DDC: variants seen among roughly 807,000 people sequenced by gnomAD.
DDC encodes dopa decarboxylase, also known as aromatic-L-amino-acid decarboxylase.
In DDC, 43 loss-of-function variants were observed where a neutral mutation model predicts 60.0. That is an observed-to-expected ratio of 0.72 (90% confidence interval 0.56 to 0.92). The LOEUF (loss-of-function observed/expected upper bound fraction) is 0.92, where lower values mean the gene tolerates loss of function less well. DDC is among the 40% of genes least tolerant of loss of function. The pLI is 0.00. For missense variants in DDC, 573 were observed against 620.2 expected (o/e 0.92, Z 0.81); for synonymous variants, 232 against 234.6 (o/e 0.99, Z 0.10).
At chr7:50,479,276 G>A (rs1347839912) in intron 10 of DDC, among the ~76,000 whole-genome samples, 1 of 152,190 alleles carries the variant, frequency 6.6e-6, no homozygotes, top group Non-Finnish European at 1.5e-5. Context: ...GCCAGGCACA[G>A]AGAGCAGGCC....
At chr7:50,493,054 A>G in intron 9 of DDC, 3 of 1,496,818 alleles carry the variant, frequency 2.0e-6, no homozygotes, top group Non-Finnish European at 2.7e-6. Flanking sequence ...TCGTGTGTCA[A>G]TATTTGCCTC....
rs112788643 is a variant in DDC, at chr7:50,530,681, GC to G, written c.436-1340del. On this transcript the variant is annotated intron_variant, in intron 4 of 14. Transcript: ENST00000444124. ...GCCTGCGCTTTTTAGGGTGCCATGG[GC>G]CTAGAAAGGTAGGGGCAGCGAGCAC... Among the ~76,000 whole-genome samples, 1,492 of 152,274 alleles carry G rather than the reference GC, an allele frequency of 9.8e-3. 23 individuals are homozygous for G. The highest frequency in any genetic ancestry group is 0.034 in the African/African-American group (1,423 of 41,548).
chr7:50,497,582 A>G (rs540912573), intron 8 of DDC, among the ~76,000 whole-genome samples: 1 of 152,282 alleles, frequency 6.6e-6, no homozygotes, highest in African/African-American at 2.4e-5. Flanking sequence ...ATGCATTTAT[A>G]TGATACAGAG....
At chr7:50,467,440 A>C in intron 12 of DDC, 125 bp from the exon 13 acceptor site, 4 of 798,958 alleles carry the variant, frequency 5.0e-6, no homozygotes, top group Non-Finnish European at 8.4e-6. Context: ...ATTTTCCTCA[A>C]GTGCTTTTAC....
At chr7:50,496,515 T>C (rs980970971) in intron 8 of DDC, among the ~76,000 whole-genome samples, 3 of 152,110 alleles carry the variant, frequency 2.0e-5, no homozygotes, top group African/African-American at 7.2e-5. Context: ...GGCTACCTTA[T>C]TTTCAAGGAG....
intron 6 of DDC, among the ~76,000 whole-genome samples, chr7:50,516,735 G>A (rs1413903614): frequency 6.6e-6 from 1 of 151,964 alleles, no homozygotes; most frequent in Admixed American, 6.5e-5. Flanking sequence ...ACTAAGAAAC[G>A]AAACAGGAGA....
chr7:50,495,556 G>C, intron 8 of DDC, 139 bp from the exon 9 acceptor site: 2 of 718,376 alleles, frequency 2.8e-6, no homozygotes, highest in East Asian at 2.7e-5. Context: ...TTGCCCAGGG[G>C]AGTAGTAACT....
At chr7:50,538,032 G>T (rs1238353641) in intron 3 of DDC, 53 bp from the exon 4 acceptor site, 47 of 1,612,310 alleles carry the variant, frequency 2.9e-5, no homozygotes, top group Non-Finnish European at 4.0e-5. Flanking sequence ...TGCAGAATTT[G>T]GGGGTCAGCA....
intron 6 of DDC, among the ~76,000 whole-genome samples, chr7:50,505,434 G>T (rs557169330): frequency 6.6e-6 from 1 of 152,260 alleles, no homozygotes; most frequent in South Asian, 2.1e-4. Flanking sequence ...GACCTTTATT[G>T]AGCCCCCTGT....
At chr7:50,462,158 G>A (rs2042287250) in intron 14 of DDC, among the ~76,000 whole-genome samples, 1 of 141,530 alleles carries the variant, frequency 7.1e-6, no homozygotes, top group Non-Finnish European at 1.5e-5. Context: ...AAAGGATAGG[G>A]AGAGAGAGAA....
chr7:50,476,260 G>C (rs2042641349), intron 11 of DDC, among the ~76,000 whole-genome samples: 1 of 152,152 alleles, frequency 6.6e-6, no homozygotes, highest in Middle Eastern at 3.2e-3. Context: ...AGCTTTTTCT[G>C]TTCCCTGACT....
chr7:50,465,185 G>A (rs986894223), intron 13 of DDC, among the ~76,000 whole-genome samples: 9 of 152,164 alleles, frequency 5.9e-5, no homozygotes, highest in Admixed American at 5.9e-4. Flanking sequence ...GCAATATGTT[G>A]TATGTTTTCA....
At chr7:50,562,629 A>G (rs1373616503) in intron 1 of DDC, among the ~76,000 whole-genome samples, 2 of 152,294 alleles carry the variant, frequency 1.3e-5, no homozygotes, top group African/African-American at 4.8e-5. Flanking sequence ...AGCCCTGGTC[A>G]GGGAGGACTG....
intron 6 of DDC, among the ~76,000 whole-genome samples, chr7:50,515,427 A>C (rs549717846): frequency 6.6e-6 from 1 of 152,240 alleles, no homozygotes; most frequent in Non-Finnish European, 1.5e-5. Flanking sequence ...CTTAAAACAA[A>C]TCCTGGAAAC....
chr7:50,523,474 A>C (rs569787512), intron 6 of DDC, among the ~76,000 whole-genome samples: 2 of 152,214 alleles, frequency 1.3e-5, no homozygotes, highest in Non-Finnish European at 2.9e-5. Flanking sequence ...AAAACTCAAT[A>C]ATAATGAAAC....
intron 6 of DDC, among the ~76,000 whole-genome samples, chr7:50,514,326 C>T (rs140222918): frequency 0.013 from 1,911 of 152,220 alleles, 37 homozygotes; most frequent in African/African-American, 0.044. Flanking sequence ...AGAATCTGAA[C>T]AACAGTCTTC....
chr7:50,520,900 A>AAAATAAATAAAT (rs58873202), intron 6 of DDC, among the ~76,000 whole-genome samples: 24 of 147,914 alleles, frequency 1.6e-4, no homozygotes, highest in East Asian at 1.2e-3. Flanking sequence ...TCTGTCTCAG[A>AAAATAAATAAAT]AAATAAATAA....
intron 4 of DDC, among the ~76,000 whole-genome samples, chr7:50,530,621 G>A (rs903336108): frequency 6.6e-6 from 1 of 152,170 alleles, no homozygotes; most frequent in African/African-American, 2.4e-5. Flanking sequence ...CCCCAAATCA[G>A]CAGCTAGGTA....
intron 9 of DDC, among the ~76,000 whole-genome samples, chr7:50,481,367 G>A (rs74769350): frequency 4.6e-5 from 7 of 152,218 alleles, no homozygotes; most frequent in Middle Eastern, 3.4e-3. Context: ...CACTGGTTGT[G>A]GGGGGAGGTC....
Sources: allele counts gnomAD v4.1 joint callset (sites outside exome capture counted in the v4.1 genomes callset), GRCh38; gene constraint gnomAD v4.1.1; transcripts MANE v1.5; gene names NCBI Gene and HGNC (gene_info 2026-07-23, HGNC 2026-07-21).